Variants in ANO4 observed in about 807,000 individuals in gnomAD.
ANO4 encodes anoctamin 4.
A neutral mutation model predicts 141.9 loss-of-function variants in ANO4; 69 were observed. The ratio of observed to expected loss-of-function variants is 0.49; its 90% CI spans 0.40 to 0.59. The LOEUF (loss-of-function observed/expected upper bound fraction) is 0.59. Ranked by LOEUF, ANO4 falls within the 20% of genes least tolerant of loss-of-function variation. The pLI is 0.00. For missense variants in ANO4, 894 were observed against 1,162.2 expected, an observed-to-expected ratio of 0.77 and a Z score of 3.36; for synonymous variants, 350 against 394.3, an observed-to-expected ratio of 0.89 and a Z score of 1.33.
At chr12:101,117,132 C>T (rs565440339) in intron 25 of ANO4, among the ~76,000 whole-genome samples, 3 of 152,276 alleles carry the variant, frequency 2.0e-5, no homozygotes, top group Admixed American at 6.5e-5. Context: ...GCGGGTTGAG[C>T]GACAGCTGTT....
chr12:100,916,331 C>A (rs975723637), intron 2 of ANO4, among the ~76,000 whole-genome samples: 4 of 152,012 alleles, frequency 2.6e-5, no homozygotes, highest in Non-Finnish European at 5.9e-5. Flanking sequence ...TCACAGTAAT[C>A]TACTGATAAC....
chr12:100,772,620 C>T (rs2033346691), intron 3 of ANO4, among the ~76,000 whole-genome samples: 1 of 152,172 alleles, frequency 6.6e-6, no homozygotes, highest in Non-Finnish European at 1.5e-5. Context: ...AAAATTTTCC[C>T]TTTGGAGCCT....
intron 14 of ANO4, among the ~76,000 whole-genome samples, chr12:101,074,952 C>T (rs2048964009): frequency 6.6e-6 from 1 of 152,136 alleles, no homozygotes. Flanking sequence ...TAAGATACAG[C>T]TCTGCTCTCA....
intron 3 of ANO4, among the ~76,000 whole-genome samples, chr12:100,771,774 C>T (rs1035311310): frequency 5.9e-5 from 9 of 152,206 alleles, no homozygotes; most frequent in African/African-American, 1.9e-4. Flanking sequence ...ATAGATAAAT[C>T]GGCTTCTGCA....
rs755813186 is a variant in ANO4 at position 101,075,662 on chromosome 12, T to C, written c.1313-3531T>C. On this transcript the variant is annotated intron_variant, in intron 14 of 27. Transcript: ENST00000392977. ...ATATATATATATACACACACACACA[T>C]ACACATATATCTTTATATAAAACAT... Among the ~76,000 whole-genome samples, 61 of 146,218 alleles carry C rather than the reference T, an allele frequency of 4.2e-4. 2 individuals are homozygous for C. The highest frequency in any genetic ancestry group is 3.0e-3 in the Admixed American group (43 of 14,522).
At chr12:100,804,794 T>A (rs1033805906) in intron 1 of ANO4, among the ~76,000 whole-genome samples, 4 of 152,064 alleles carry the variant, frequency 2.6e-5, no homozygotes, top group Admixed American at 2.0e-4. Flanking sequence ...TTTAATGGAG[T>A]GGTTTGTTTC....
At chr12:100,997,694 G>T (rs1159024618) in intron 8 of ANO4, among the ~76,000 whole-genome samples, 1 of 152,060 alleles carries the variant, frequency 6.6e-6, no homozygotes, top group Admixed American at 6.6e-5. Context: ...GGGCCAAGCG[G>T]AAGGGAGAAA....
intron 8 of ANO4, 23 bp from the exon 9 acceptor site, chr12:101,020,011 G>A (rs752814203): frequency 6.4e-7 from 1 of 1,572,974 alleles, no homozygotes; most frequent in South Asian, 1.1e-5. Context: ...TTCTCAACTT[G>A]TATTTTTAAT....
At chr12:100,737,921 G>T (rs1430259191) in intron 2 of ANO4, among the ~76,000 whole-genome samples, 1 of 152,050 alleles carries the variant, frequency 6.6e-6, no homozygotes, top group Admixed American at 6.6e-5. Context: ...CTAGTAATGT[G>T]GTTCCTAGAT....
chr12:100,888,153 A>G (rs1232284123), intron 1 of ANO4, among the ~76,000 whole-genome samples: 2 of 152,234 alleles, frequency 1.3e-5, no homozygotes, highest in Non-Finnish European at 2.9e-5. Flanking sequence ...AGTAAACGGT[A>G]GCAAATGTGA....
intron 3 of ANO4, among the ~76,000 whole-genome samples, chr12:100,747,888 A>G (rs1460916563): frequency 6.6e-6 from 1 of 152,200 alleles, no homozygotes; most frequent in East Asian, 1.9e-4. Flanking sequence ...GCAAACAAAC[A>G]AACAATACTA....
intron 3 of ANO4, among the ~76,000 whole-genome samples, chr12:100,926,142 T>A (rs2136119302): frequency 6.6e-6 from 1 of 152,248 alleles, no homozygotes; most frequent in South Asian, 2.1e-4. Flanking sequence ...CTAAATTAAA[T>A]AAAAATGATT....
In ANO4 at chr12:101,083,691, C is replaced by T; in HGVS notation, c.1409C>T (p.Pro470Leu). 1 of 1,606,842 alleles carries T rather than the reference C, an allele frequency of 6.2e-7. No homozygotes were observed. The highest frequency in any genetic ancestry group is 8.5e-7 in the Non-Finnish European group (1 of 1,178,322). The change falls in exon 16 of 28, where the codon CCC (proline) becomes CTC (leucine). Residue 470 changes from proline to leucine, a missense_variant. Physicochemically the swap from Pro to Leu is moderately conservative, Grantham distance 98 (BLOSUM62 -3). Coordinates refer to ENST00000392977, the MANE Select transcript of ANO4 (RefSeq NM_001286615.2). Reference sequence around the variant, plus strand: ...CTTGTCCTTTAGGAAGAAATACGACCCCAGTTTGAAGCCAAGTATTCCAAG... The same window carrying T: ...CTTGTCCTTTAGGAAGAAATACGACTCCAGTTTGAAGCCAAGTATTCCAAG... ...DWEEEEEEIR[P>L]QFEAKYSKKE...
chr12:101,095,695 T>C (rs976697301), intron 18 of ANO4, among the ~76,000 whole-genome samples: 9 of 152,194 alleles, frequency 5.9e-5, no homozygotes, highest in African/African-American at 2.2e-4. Flanking sequence ...AATCAGACAC[T>C]CAGGGAATGT....
chr12:100,956,144 C>T (rs1010106723), intron 5 of ANO4, among the ~76,000 whole-genome samples: 1 of 152,182 alleles, frequency 6.6e-6, no homozygotes, highest in African/African-American at 2.4e-5. Flanking sequence ...TATCATTTAG[C>T]CTCTTTACAA....
chr12:100,750,313 T>G (rs928605007), intron 3 of ANO4, among the ~76,000 whole-genome samples: 1 of 151,118 alleles, frequency 6.6e-6, no homozygotes, highest in African/African-American at 2.4e-5. Context: ...TTTTTTTTTT[T>G]TTGTATTTTT....
chr12:100,803,814 G>C (rs1259231552), intron 1 of ANO4, among the ~76,000 whole-genome samples: 1 of 152,116 alleles, frequency 6.6e-6, no homozygotes, highest in Non-Finnish European at 1.5e-5. Flanking sequence ...AGAGCCCTTA[G>C]CACAGTGCCT....
chr12:100,982,938 G>A (rs1054303042), intron 7 of ANO4, among the ~76,000 whole-genome samples: 3 of 152,248 alleles, frequency 2.0e-5, no homozygotes, highest in African/African-American at 7.2e-5. Flanking sequence ...GAGCACTAAG[G>A]TTAGGTGAGG....
chr12:100,923,029 G>A (rs910459070), intron 3 of ANO4, among the ~76,000 whole-genome samples: 6 of 151,926 alleles, frequency 3.9e-5, no homozygotes, highest in African/African-American at 7.3e-5. Flanking sequence ...TCTTAATATC[G>A]AATAATTTAT....
Sources: allele counts gnomAD v4.1 joint callset (sites outside exome capture counted in the v4.1 genomes callset), GRCh38; gene constraint gnomAD v4.1.1; transcripts MANE v1.5; gene names NCBI Gene and HGNC (gene_info 2026-07-23, HGNC 2026-07-21).